The following NEXN variants were observed in gnomAD, a reference collection of about 807,000 sequenced individuals.
The protein encoded by NEXN is nexilin F-actin binding protein.
NEXN carries 65 observed loss-of-function variants against 92.6 expected under a neutral mutation model. That is an observed-to-expected ratio of 0.70 (90% CI 0.57 to 0.86). The LOEUF (loss-of-function observed/expected upper bound fraction) is 0.86, where lower values mean the gene tolerates loss of function less well. Among genes scored for constraint, NEXN ranks in the 40% least tolerant of loss-of-function variants. The pLI, the probability that NEXN is intolerant of heterozygous loss-of-function variation, is 0.00. For missense variants in NEXN, 778 were observed against 771.1 expected, an observed-to-expected ratio of 1.01 and a Z score of -0.11; for synonymous variants, 254 against 242.5, an observed-to-expected ratio of 1.05 and a Z score of -0.44.
At chr1:77,917,494 C>T in intron 2 of NEXN, 72 bp from the exon 3 acceptor site, 8 of 1,084,124 alleles carry the variant, frequency 7.4e-6, no homozygotes, top group Non-Finnish European at 1.1e-5. Flanking sequence ...ATTGCTTATT[C>T]TTATCTATCT....
chr1:77,906,523 A>G (rs1224915354), intron 1 of NEXN, among the ~76,000 whole-genome samples: 1 of 152,184 alleles, frequency 6.6e-6, no homozygotes, highest in Non-Finnish European at 1.5e-5. Context: ...ATTTTGGGAG[A>G]TTTCAAATTA....
intron 11 of NEXN, among the ~76,000 whole-genome samples, chr1:77,939,797 GC>G (rs1442068386): frequency 6.6e-6 from 1 of 152,204 alleles, no homozygotes; most frequent in Non-Finnish European, 1.5e-5. Flanking sequence ...TAGCGGCTGA[GC>G]GCGGTGGTTT....
chr1:77,928,133 A>C (rs1650008623), intron 8 of NEXN, among the ~76,000 whole-genome samples: 1 of 151,992 alleles, frequency 6.6e-6, no homozygotes, highest in African/African-American at 2.4e-5. Context: ...ACATGTGGAA[A>C]CCATGTCTCT....
intron 10 of NEXN, 76 bp downstream of exon 10, chr1:77,933,555 T>G (rs1455689894): frequency 1.9e-6 from 2 of 1,063,166 alleles, no homozygotes; most frequent in African/African-American, 1.6e-5. Context: ...TTATAATAAC[T>G]TTGTATTATT....
chr1:77,942,810 C>G lies in NEXN; in HGVS notation c.2009C>G (p.Thr670Ser). 6.2e-7 allele frequency: 1 copy of G among 1,608,394 alleles called. No homozygotes were observed. Among genetic ancestry groups the G allele is most frequent in the African/African-American group, 1.3e-5 (1 of 74,794 alleles). The change falls in exon 13 of 13, where the codon ACC (threonine) becomes AGC (serine). Residue 670 changes from threonine to serine, a missense_variant. By Grantham distance (58) the Thr-to-Ser change is moderately conservative (BLOSUM62 1). Coordinates refer to ENST00000334785, the MANE Select transcript of NEXN (RefSeq NM_144573.4). ...KGSAASTCIL[T>S]IESKN The stretch of plus-strand genomic sequence containing the variant: ...TCTGCAGCTAGTACCTGTATTCTTA[C>G]CATTGAAAGTAAGAATTAATCACTC...
chr1:77,939,585 G>A (rs1339236006), intron 11 of NEXN, among the ~76,000 whole-genome samples: 2 of 152,098 alleles, frequency 1.3e-5, no homozygotes, highest in Non-Finnish European at 2.9e-5. Context: ...AAATATGTAG[G>A]TAATAACAAA....
chr1:77,926,794 C>A lies in NEXN; in HGVS notation c.766C>A (p.Arg256=). The change falls in exon 8 of 13, where the codon CGA becomes AGA. Residue 256 remains arginine, a synonymous_variant. Coordinates refer to ENST00000334785, the MANE Select transcript of NEXN (RefSeq NM_144573.4). ...KLKLTFEELE[R]QRQENRKKQA... The stretch of plus-strand genomic sequence containing the variant: ...GAAACTAACTTTTGAAGAACTGGAG[C>A]GACAAAGACAAGAAAACCGAAAGAA... The A allele has an allele frequency of 6.2e-7, 1 of 1,613,558 alleles. No homozygotes were observed. The highest frequency in any genetic ancestry group is 8.5e-7 in the Non-Finnish European group (1 of 1,179,916).
intron 1 of NEXN, among the ~76,000 whole-genome samples, chr1:77,912,574 C>A (rs1557970434): frequency 6.6e-6 from 1 of 151,942 alleles, no homozygotes; most frequent in East Asian, 1.9e-4. Context: ...GTAATTGATA[C>A]AGTGCAGTGT....
chr1:77,922,224 C>G (rs1424817376), intron 5 of NEXN, among the ~76,000 whole-genome samples: 2 of 149,926 alleles, frequency 1.3e-5, no homozygotes, highest in South Asian at 2.1e-4. Flanking sequence ...ACTGCAAGCT[C>G]CACCTCCCAG....
chr1:77,942,205 A>G lies in NEXN; in HGVS notation c.1656A>G (p.Gln552=). 1 of 1,613,324 alleles carries G rather than the reference A, an allele frequency of 6.2e-7. No individual in the cohort carries two copies. Among genetic ancestry groups the G allele is most frequent in the Non-Finnish European group, 8.5e-7 (1 of 1,179,312 alleles). The change falls in exon 12 of 13, where the codon CAA becomes CAG. Residue 552 remains glutamine (Q), a synonymous_variant. Transcript: ENST00000334785. Reference sequence around the variant, plus strand: ...AAAGGGAAATTGATGCAGCACTACAAAAGGTACCAGGCTTATGTATCCTTT... The same window carrying G: ...AAAGGGAAATTGATGCAGCACTACAGAAGGTACCAGGCTTATGTATCCTTT... ...FEQREIDAAL[Q]KKREEEEEEE...
At chr1:77,910,957 T>G (rs1648530618) in intron 1 of NEXN, among the ~76,000 whole-genome samples, 1 of 151,868 alleles carries the variant, frequency 6.6e-6, no homozygotes, top group African/African-American at 2.4e-5. Flanking sequence ...CCTGCCTCTG[T>G]TTCCCAAGTG....
chr1:77,909,281 G>A (rs770656447), intron 1 of NEXN, among the ~76,000 whole-genome samples: 3 of 152,080 alleles, frequency 2.0e-5, no homozygotes, highest in African/African-American at 4.8e-5. Flanking sequence ...TTAGCTGGGC[G>A]TAGTGGGGCA....
intron 5 of NEXN, among the ~76,000 whole-genome samples, chr1:77,924,519 G>A (rs533912724): frequency 6.6e-6 from 1 of 152,172 alleles, no homozygotes; most frequent in South Asian, 2.1e-4. Flanking sequence ...GAATGGAGAA[G>A]TGTTTCTATG....
chr1:77,894,518 G>C (rs1318722026), intron 1 of NEXN, among the ~76,000 whole-genome samples: 1 of 151,946 alleles, frequency 6.6e-6, no homozygotes, highest in Non-Finnish European at 1.5e-5. Flanking sequence ...AGGGTTCACT[G>C]CAGTCTCTAT....
chr1:77,905,358 A>G (rs1000915491), intron 1 of NEXN, among the ~76,000 whole-genome samples: 1 of 152,080 alleles, frequency 6.6e-6, no homozygotes, highest in African/African-American at 2.4e-5. Context: ...GATAATCTTT[A>G]TCTGTTCATA....
intron 1 of NEXN, among the ~76,000 whole-genome samples, chr1:77,904,839 C>G (rs1260060940): frequency 6.6e-6 from 1 of 152,182 alleles, no homozygotes; most frequent in Non-Finnish European, 1.5e-5. Context: ...ACTTAAAAAT[C>G]CGGTTCCAAG....
At chr1:77,933,615 C>T (rs1367426776) in intron 10 of NEXN, 136 bp downstream of exon 10, 8 of 689,748 alleles carry the variant, frequency 1.2e-5, no homozygotes, top group African/African-American at 1.8e-5. Flanking sequence ...TTACATGGTA[C>T]AGGCGTCTGC....
At chr1:77,901,125 T>G (rs1003829028) in intron 1 of NEXN, among the ~76,000 whole-genome samples, 1 of 152,170 alleles carries the variant, frequency 6.6e-6, no homozygotes, top group African/African-American at 2.4e-5. Context: ...CAAAATGTGG[T>G]CTTAGAACCC....
At position 77,921,062 on chromosome 1, in the gene NEXN, T is replaced by TAA. The variant is rs1420065581; in HGVS notation, c.447+2789_447+2790insAA. On this transcript the variant is annotated intron_variant, in intron 5 of 12. Transcript: ENST00000334785. ...CAATGTTTTCTTGTTTTGGTAATGG[T>TAA]TTAAAGTGAGCAAAGAAGAAAGCAA... is the stretch of plus-strand genomic sequence containing the variant. Among the ~76,000 whole-genome samples, 2 of 152,170 alleles carry TAA rather than the reference T, an allele frequency of 1.3e-5. 1 individual carries two copies. The highest frequency in any genetic ancestry group is 2.9e-5 in the Non-Finnish European group (2 of 68,016).
Sources: gnomAD v4.1 joint callset for allele counts (sites outside exome capture counted in the v4.1 genomes callset) on GRCh38, gnomAD v4.1.1 for gene constraint, MANE v1.5 for transcripts, NCBI Gene and HGNC (gene_info 2026-07-23, HGNC 2026-07-21) for gene names.